Variants in ADAMTS2 observed in about 807,000 individuals in gnomAD.
ADAMTS2 encodes the protein ADAM metallopeptidase with thrombospondin type 1 motif 2.
ADAMTS2 carries 50 observed loss-of-function variants against 123.0 expected under a neutral mutation model. The ratio of observed to expected loss-of-function variants is 0.41; its 90% CI spans 0.32 to 0.51. The LOEUF is 0.51. Ranked by LOEUF, ADAMTS2 falls within the 20% of genes least tolerant of loss-of-function variation. The pLI is 0.35. For missense variants in ADAMTS2, 1,494 were observed against 1,705.2 expected, an observed-to-expected ratio of 0.88 and a Z score of 2.18; for synonymous variants, 678 against 695.4, an observed-to-expected ratio of 0.98 and a Z score of 0.39.
chr5:179,176,458 A>T (rs180859278), intron 5 of ADAMTS2, among the ~76,000 whole-genome samples: 15 of 152,154 alleles, frequency 9.9e-5, no homozygotes, highest in African/African-American at 3.4e-4. Flanking sequence ...ATCTCAGCTG[A>T]CCTCTTCAGC....
chr5:179,140,972 G>A (rs1369168173), intron 10 of ADAMTS2, among the ~76,000 whole-genome samples: 3 of 142,496 alleles, frequency 2.1e-5, no homozygotes, highest in Non-Finnish European at 4.5e-5. Context: ...GCTAATTTTT[G>A]CATTTTTTTT....
rs575362058 is a variant in ADAMTS2 at position 179,129,083 on chromosome 5, C to A, written c.2457+849G>T. Among the ~76,000 whole-genome samples, 1 of 152,152 alleles carries A rather than the reference C, an allele frequency of 6.6e-6. No homozygotes were observed. The highest frequency in any genetic ancestry group is 1.5e-5 in the Non-Finnish European group (1 of 68,038). Reference sequence around the variant, plus strand: ...TCTGTGCGTGTCCGTTTGGGGCTCACGAATCAATTTTAGTGAGCAGGTGAA... The same window carrying A: ...TCTGTGCGTGTCCGTTTGGGGCTCAAGAATCAATTTTAGTGAGCAGGTGAA... On this transcript the variant is annotated intron_variant, in intron 16 of 21. Coordinates refer to ENST00000251582, the MANE Select transcript of ADAMTS2 (RefSeq NM_014244.5). This position sits in a 1 kb window ranked among gnomAD's most constrained non-coding sequence, Gnocchi z 4.1.
intron 2 of ADAMTS2, among the ~76,000 whole-genome samples, chr5:179,298,213 G>A (rs1398198425): frequency 6.8e-6 from 1 of 147,286 alleles, no homozygotes; most frequent in East Asian, 2.0e-4. Flanking sequence ...CCGAGGCTCG[G>A]GGAACCCAGG....
intron 4 of ADAMTS2, among the ~76,000 whole-genome samples, chr5:179,184,509 T>TCAAAAAAAAAAAA (rs1290290563): frequency 2.2e-5 from 2 of 91,412 alleles, no homozygotes; most frequent in African/African-American, 9.2e-5. Context: ...AGACTCTGTC[T>TCAAAAAAAAAAAA]AAAAAAAAAA....
intron 3 of ADAMTS2, among the ~76,000 whole-genome samples, chr5:179,244,591 G>A (rs1014474234): frequency 1.3e-5 from 2 of 152,116 alleles, no homozygotes; most frequent in South Asian, 2.1e-4. Flanking sequence ...AGGTAATCAC[G>A]CAACTTTAAA....
intron 2 of ADAMTS2, among the ~76,000 whole-genome samples, chr5:179,330,730 C>A (rs1227402392): frequency 6.6e-6 from 1 of 152,226 alleles, no homozygotes; most frequent in Admixed American, 6.5e-5. Context: ...AGCAGCCCTG[C>A]TCATCGGGCC....
At chr5:179,300,803 T>C (rs551602067) in intron 2 of ADAMTS2, among the ~76,000 whole-genome samples, 1 of 152,360 alleles carries the variant, frequency 6.6e-6, no homozygotes, top group South Asian at 2.1e-4. Context: ...AGAGTCTTCA[T>C]ACATACAACT....
intron 2 of ADAMTS2, among the ~76,000 whole-genome samples, chr5:179,322,122 C>T (rs79010899): frequency 0.03 from 4,589 of 152,272 alleles, 237 homozygotes; most frequent in African/African-American, 0.1. Flanking sequence ...CAGGGATTTC[C>T]ATTTTCTCCT....
chr5:179,260,274 G>A lies in ADAMTS2; in HGVS notation c.688+12637C>T, dbSNP rs921243763. Among the ~76,000 whole-genome samples the A allele has an allele frequency of 4.6e-5, 7 of 152,180 alleles. No homozygotes were observed. In the South Asian group the frequency reaches 6.2e-4, roughly 14 times the overall value. On this transcript the variant is annotated intron_variant, in intron 3 of 21. Transcript: ENST00000251582. This position sits in a 1 kb window ranked among gnomAD's most constrained non-coding sequence, Gnocchi z 4.2. ...TCCCGGAGTGAGCTCCTGGGCGACC[G>A]GGCTTCCTAGGCACTATGCTTATTC... is the stretch of plus-strand genomic sequence containing the variant.
At chr5:179,318,103 G>A (rs2113587439) in intron 2 of ADAMTS2, among the ~76,000 whole-genome samples, 1 of 152,306 alleles carries the variant, frequency 6.6e-6, no homozygotes, top group African/African-American at 2.4e-5. Flanking sequence ...CCTTGGACCA[G>A]GAGGAACACA....
At chr5:179,137,710 C>A in intron 12 of ADAMTS2, 59 bp downstream of exon 12, 1 of 1,436,328 alleles carries the variant, frequency 7.0e-7, no homozygotes, top group South Asian at 1.2e-5. Flanking sequence ...AAGCCCCCAC[C>A]CTGCCCACCC....
intron 3 of ADAMTS2, among the ~76,000 whole-genome samples, chr5:179,240,801 C>G (rs1216060806): frequency 6.6e-6 from 1 of 152,180 alleles, no homozygotes; most frequent in Non-Finnish European, 1.5e-5. Flanking sequence ...TACGCGATGC[C>G]AATAGACACA....
chr5:179,323,643 A>G (rs1400207932), intron 2 of ADAMTS2, among the ~76,000 whole-genome samples: 1 of 152,246 alleles, frequency 6.6e-6, no homozygotes, highest in Non-Finnish European at 1.5e-5. Context: ...CTCTGGAGAG[A>G]GGCAGCAACC....
chr5:179,112,746 A>T lies in ADAMTS2; in HGVS notation c.*1121T>A, dbSNP rs1385441595. 1 of 152,214 alleles carries T rather than the reference A, an allele frequency of 6.6e-6. No individual in the cohort carries two copies. The highest frequency in any genetic ancestry group is 1.5e-5 in the Non-Finnish European group (1 of 68,060). The allele number at this position is 152,214 out of a possible 1,614,324, so 9.4% of individuals were successfully genotyped here. A position where few individuals can be genotyped will look rare whatever the true frequency, so the allele number is the denominator to read the frequency against. The stretch of plus-strand genomic sequence containing the variant: ...TCCAGGCCCTTGAACCGCTCACTGG[A>T]CCTTCCCAGCAGAGCACGTGCCTCT... On this transcript the variant is annotated 3_prime_UTR_variant, in exon 22 of 22. Transcript: ENST00000251582.
chr5:179,217,838 A>ACT (rs1561811376), intron 3 of ADAMTS2, among the ~76,000 whole-genome samples: 3 of 85,874 alleles, frequency 3.5e-5, no homozygotes, highest in Admixed American at 2.2e-4. Context: ...CTGAGGGCAG[A>ACT]CAGGCACACT....
In ADAMTS2 at chr5:179,202,498, G is replaced by C. The variant is rs1764591278; in HGVS notation, c.891+5015C>G. On this transcript the variant is annotated intron_variant, in intron 4 of 21. Transcript: ENST00000251582. This position sits in a 1 kb window ranked among gnomAD's most constrained non-coding sequence, Gnocchi z 4.0. Reference sequence around the variant, plus strand: ...GTCATTATTTGAAATGATCCTGTTTGTTTTTCACTTCAGTATCGTCTGTGC... The same window carrying C: ...GTCATTATTTGAAATGATCCTGTTTCTTTTTCACTTCAGTATCGTCTGTGC... Among the ~76,000 whole-genome samples, 1 of 152,156 alleles carries C rather than the reference G, an allele frequency of 6.6e-6. No individual in the cohort carries two copies. Among genetic ancestry groups the C allele is most frequent in the Non-Finnish European group, 1.5e-5 (1 of 68,032 alleles).
chr5:179,194,062 T>A (rs531662885), intron 4 of ADAMTS2, among the ~76,000 whole-genome samples: 1 of 152,324 alleles, frequency 6.6e-6, no homozygotes, highest in South Asian at 2.1e-4. Flanking sequence ...CTGGCCCTCC[T>A]CGTCCACAGG....
intron 3 of ADAMTS2, among the ~76,000 whole-genome samples, chr5:179,239,821 C>A (rs974137693): frequency 3.3e-5 from 5 of 152,230 alleles, no homozygotes; most frequent in Admixed American, 6.5e-5. Flanking sequence ...ACTGTGAGTG[C>A]TGTGATTAGA....
chr5:179,137,102 G>A (rs529651218), intron 12 of ADAMTS2, among the ~76,000 whole-genome samples: 119 of 152,306 alleles, frequency 7.8e-4, no homozygotes, highest in African/African-American at 2.8e-3. Context: ...TAAAACGCTG[G>A]GCCCCCAGAC....
Sources: gnomAD v4.1 joint callset for allele counts (sites outside exome capture counted in the v4.1 genomes callset) on GRCh38, gnomAD v4.1.1 for gene constraint, Gnocchi (gnomAD v3.1) non-coding constraint, MANE v1.5 for transcripts, NCBI Gene and HGNC (gene_info 2026-07-23, HGNC 2026-07-21) for gene names.